SASH3: variants seen among roughly 807,000 people sequenced by gnomAD.
SASH3 encodes the protein SAM and SH3 domain containing 3.
Under a neutral mutation model 26.1 loss-of-function variants are expected in SASH3, and 7 were observed. That is an observed-to-expected ratio of 0.27 (90% CI 0.15 to 0.50). The LOEUF (loss-of-function observed/expected upper bound fraction) is 0.50. Ranked by LOEUF, SASH3 falls within the 20% of genes least tolerant of loss-of-function variation. The pLI is 0.98. For synonymous variants in SASH3, 138 were observed against 136.8 expected (o/e 1.01, Z -0.06); for missense variants, 231 against 318.3 (o/e 0.73, Z 2.09).
At chrX:129,790,249 C>T (rs989754758) in intron 3 of SASH3, among the ~76,000 whole-genome samples, 3 of 111,119 alleles carry the variant, frequency 2.7e-5, no homozygotes, top group Admixed American at 9.5e-5. Context: ...TCAGACAACA[C>T]GTCCAGTGAT....
intron 7 of SASH3, 133 bp downstream of exon 7, chrX:129,793,272 C>A: frequency 1.4e-6 from 1 of 731,210 alleles, no homozygotes; most frequent in Non-Finnish European, 2.0e-6. Flanking sequence ...GTACTTTCCA[C>A]TTGAATTAGA....
rs1400070605 is a variant in SASH3, at chrX:129,793,861, G to C, written c.*29G>C. On this transcript the variant is annotated 3_prime_UTR_variant, in exon 8 of 8. Transcript: ENST00000356892. ...GGCGGTGGCAATAGGCCAAGGCTGG[G>C]ACCCAGCTGCAAAGGCTGTAGGAGT... The C allele has an allele frequency of 1.7e-6, 2 of 1,146,808 alleles. No individual in the cohort carries two copies. Among genetic ancestry groups the C allele is most frequent in the Non-Finnish European group, 2.3e-6 (2 of 856,389 alleles). The allele number at this position is 1,146,808 out of a possible 1,213,427, so 94.5% of individuals were successfully genotyped here.
chrX:129,786,199 G>A (rs1028753711), intron 1 of SASH3, among the ~76,000 whole-genome samples: 5 of 110,871 alleles, frequency 4.5e-5, no homozygotes, highest in African/African-American at 1.6e-4. Context: ...TCGTGCTAGC[G>A]TCTGCTTGGC....
At chrX:129,790,205 G>A (rs1888593726) in intron 3 of SASH3, among the ~76,000 whole-genome samples, 1 of 111,917 alleles carries the variant, frequency 8.9e-6, no homozygotes, top group Non-Finnish European at 1.9e-5. Flanking sequence ...TGCATCCATA[G>A]CATCTTCATG....
intron 3 of SASH3, among the ~76,000 whole-genome samples, chrX:129,789,109 A>AAAAAGAAAG (rs1927166583): frequency 2.5e-5 from 1 of 39,453 alleles, no homozygotes; most frequent in Non-Finnish European, 4.0e-5. Context: ...CTCAAAAAAA[A>AAAAAGAAAG]AAAGAAAGAA....
chrX:129,780,190 C>T (rs1414215417), intron 1 of SASH3, 36 bp downstream of exon 1: 1 of 1,141,004 alleles, frequency 8.8e-7, no homozygotes, highest in Non-Finnish European at 1.2e-6. Flanking sequence ...TCTTCCTTTC[C>T]TCTGCTTGCT....
At chrX:129,790,128 C>A (rs1312969889) in intron 3 of SASH3, among the ~76,000 whole-genome samples, 2 of 111,327 alleles carry the variant, frequency 1.8e-5, no homozygotes, top group Non-Finnish European at 3.8e-5. Context: ...TACAGTAAAT[C>A]TTCAAAACTC....
At chrX:129,788,137 G>GGCCCGGC in intron 2 of SASH3, 67 bp downstream of exon 2, 1 of 354,276 alleles carries the variant, frequency 2.8e-6, no homozygotes, top group Non-Finnish European at 5.4e-6. Context: ...GGGTGGGAGG[G>GGCCCGGC]AAGAGGGTGA....
At chrX:129,792,526 A>G in intron 5 of SASH3, 50 bp downstream of exon 5, 1 of 1,208,140 alleles carries the variant, frequency 8.3e-7, no homozygotes, top group Non-Finnish European at 1.1e-6. Context: ...TGTGCCCAAA[A>G]AGGAAGCTGG....
At chrX:129,780,289 A>G in intron 1 of SASH3, 135 bp downstream of exon 1, 1 of 529,008 alleles carries the variant, frequency 1.9e-6, no homozygotes, top group South Asian at 3.1e-5. Context: ...CCTAGAAGGC[A>G]ACGGGACAGG....
In SASH3 at chrX:129,793,877, C is replaced by G. The variant is rs1409139787; in HGVS notation, c.*45C>G. On this transcript the variant is annotated 3_prime_UTR_variant, in exon 8 of 8. Transcript: ENST00000356892. Reference sequence around the variant, plus strand: ...CAAGGCTGGGACCCAGCTGCAAAGGCTGTAGGAGTGGGCCCAGCCTCCCGT... The same window carrying G: ...CAAGGCTGGGACCCAGCTGCAAAGGGTGTAGGAGTGGGCCCAGCCTCCCGT... 6 of 1,101,455 alleles carry G rather than the reference C, an allele frequency of 5.4e-6. No individual in the cohort carries two copies. Among genetic ancestry groups the G allele is most frequent in the Non-Finnish European group, 6.1e-6 (5 of 818,918 alleles). The allele number at this position is 1,101,455 out of a possible 1,213,427, so 90.8% of individuals were successfully genotyped here.
chrX:129,790,922 C>T lies in SASH3; in HGVS notation c.301-18C>T, dbSNP rs769604693. On this transcript the variant is annotated intron_variant, in intron 3 of 7. Transcript: ENST00000356892. ...CCCAGCAAGGCTCCTTAAAGCTTCC[C>T]GCCTACCCTCCCTGCAGGCAGACAC... The T allele has an allele frequency of 4.6e-5, 56 of 1,206,198 alleles. No individual in the cohort carries two copies. Among genetic ancestry groups the T allele is most frequent in the Middle Eastern group, 2.3e-4 (1 of 4,350 alleles).
At position 129,795,152 on chromosome X, in the gene SASH3, A is replaced by C. The variant is rs1382336757; in HGVS notation, c.*1320A>C. On this transcript the variant is annotated 3_prime_UTR_variant, in exon 8 of 8. Coordinates refer to ENST00000356892, the MANE Select transcript of SASH3 (RefSeq NM_018990.4). ...GGGGAAGGGGTTGGGTGTAAATATG[A>C]GAGGGTGGAGGGAGACCAGCTGGTA... The C allele has an allele frequency of 1.8e-5, 2 of 111,510 alleles. No homozygotes were observed. The highest frequency in any genetic ancestry group is 6.5e-5 in the African/African-American group (2 of 30,549). 9.2% of individuals were successfully genotyped at this position (111,510 alleles called of 1,213,427 possible).
chrX:129,788,594 T>A lies in SASH3; in HGVS notation c.300+17T>A. 2 of 1,205,844 alleles carry A rather than the reference T, an allele frequency of 1.7e-6. No individual in the cohort carries two copies. Among genetic ancestry groups the A allele is most frequent in the South Asian group, 3.5e-5 (2 of 56,572 alleles). On this transcript the variant is annotated intron_variant, in intron 3 of 7. Coordinates refer to ENST00000356892, the MANE Select transcript of SASH3 (RefSeq NM_018990.4). ...GAAGAGATGGTGAGGCCTGCAGATA[T>A]AGGGGATGGGGTGTCCAGGGGGCCT... is the stretch of plus-strand genomic sequence containing the variant.
chrX:129,780,222 C>G lies in SASH3; in HGVS notation c.57+68C>G, dbSNP rs1308244796. 4.8e-6 allele frequency: 5 copies of G among 1,042,135 alleles called. No individual in the cohort carries two copies. The African/African-American group carries it at 9.4e-5, about 20-fold the overall frequency. 85.9% of individuals were successfully genotyped at this position (1,042,135 alleles called of 1,213,427 possible). A position where few individuals can be genotyped will look rare whatever the true frequency, so the allele number is the denominator to read the frequency against. On this transcript the variant is annotated intron_variant, in intron 1 of 7. Coordinates refer to ENST00000356892, the MANE Select transcript of SASH3 (RefSeq NM_018990.4). ...TGCTCGACCCATCCCTTCCAAGACT[C>G]TTGGAAGTGGGAAGAGCCAAAGGCC...
intron 1 of SASH3, among the ~76,000 whole-genome samples, chrX:129,783,275 C>T (rs1484686407): frequency 1.8e-5 from 2 of 111,534 alleles, no homozygotes; most frequent in African/African-American, 3.3e-5. Context: ...TGGAGAAATC[C>T]TGCCTCCCCT....
chrX:129,780,283 G>C, intron 1 of SASH3, 129 bp downstream of exon 1: 3 of 547,276 alleles, frequency 5.5e-6, no homozygotes, highest in Non-Finnish European at 9.1e-6. Flanking sequence ...CACTCACCTA[G>C]AAGGCAACGG....
Position 129,787,909 on chromosome X carries a change from AG to A in SASH3, c.58-64del, listed in dbSNP as rs1273025776. The A allele has an allele frequency of 4.9e-6, 4 of 812,697 alleles. No homozygotes were observed. The African/African-American group carries it at 8.1e-5, about 17-fold the overall frequency. 67.0% of individuals were successfully genotyped at this position (812,697 alleles called of 1,213,427 possible). On this transcript the variant is annotated intron_variant, in intron 1 of 7. Transcript: ENST00000356892. ...GCTGTGGGTATTGTGTGGTGGGGGG[AG>A]GCGAGTATGTGGGCCCTCGGGCAGC...
At chrX:129,780,693 C>T (rs1237734376) in intron 1 of SASH3, among the ~76,000 whole-genome samples, 1 of 112,848 alleles carries the variant, frequency 8.9e-6, no homozygotes, top group Non-Finnish European at 1.9e-5. Context: ...TGTGGTAGCT[C>T]CCAGGCCCTA....
Sources: allele counts gnomAD v4.1 joint callset (sites outside exome capture counted in the v4.1 genomes callset), GRCh38; gene constraint gnomAD v4.1.1; transcripts MANE v1.5; gene names NCBI Gene and HGNC (gene_info 2026-07-23, HGNC 2026-07-21).